COL5A2: variants seen among roughly 807,000 people sequenced by gnomAD.
COL5A2 encodes collagen alpha-2(V) chain.
COL5A2 carries 23 observed loss-of-function variants against 208.2 expected under a neutral mutation model. The ratio of observed to expected loss-of-function variants is 0.11; its 90% confidence interval spans 0.08 to 0.16. The LOEUF is 0.16. Among genes scored for constraint, COL5A2 ranks in the 10% least tolerant of loss-of-function variants. The probability of loss-of-function intolerance (pLI) is 1.00; values close to 1 mark genes in which losing one functional copy is unlikely to be tolerated. For synonymous variants in COL5A2, 625 were observed against 628.5 expected (o/e 0.99, Z 0.08); for missense variants, 1,590 against 1,956.4 (o/e 0.81, Z 3.53).
At chr2:189,255,670 A>G in the COL5A2 span, among the ~76,000 whole-genome samples, 1 of 152,210 alleles carries the variant, frequency 6.6e-6, no homozygotes, top group Non-Finnish European at 1.5e-5. Context: ...AATGCTAGAC[A>G]TTATATATAA....
the COL5A2 span, among the ~76,000 whole-genome samples, chr2:189,401,636 T>A: frequency 6.6e-6 from 1 of 152,156 alleles, no homozygotes; most frequent in Non-Finnish European, 1.5e-5. Context: ...TGAGGAATCA[T>A]GACACTGTCT....
chr2:189,187,408 G>C (rs959169247), intron 1 of COL5A2, among the ~76,000 whole-genome samples: 1 of 152,182 alleles, frequency 6.6e-6, no homozygotes, highest in African/African-American at 2.4e-5. Context: ...GAGCCAGACA[G>C]AGTTTAAATG....
chr2:189,065,019 AC>A lies in COL5A2; in HGVS notation c.1601del (p.Gly534ValfsTer15). ...PGNRGFPGSD[G>X]LPGPKGAQGE... ...GCAACCTCACCTTTGGCCCAGGTAA[AC>A]CATCAGAGCCTGGAAAACCACGATT... On this transcript the variant is annotated frameshift_variant, in exon 24 of 54. Coordinates refer to ENST00000374866, the MANE Select transcript of COL5A2 (RefSeq NM_000393.5). LOFTEE classifies it high-confidence loss of function. 1 of 1,613,850 alleles carries A rather than the reference AC, an allele frequency of 6.2e-7. No homozygotes were observed. Among genetic ancestry groups the A allele is most frequent in the Non-Finnish European group, 8.5e-7 (1 of 1,179,924 alleles).
chr2:189,121,724 G>C (rs1019520862), intron 1 of COL5A2, among the ~76,000 whole-genome samples: 1 of 100,132 alleles, frequency 1.0e-5, no homozygotes, highest in Non-Finnish European at 1.8e-5. Context: ...GTGACAGAGT[G>C]AGACTCCGTC....
chr2:189,322,991 T>C, the COL5A2 span, among the ~76,000 whole-genome samples: 1 of 51,988 alleles, frequency 1.9e-5, no homozygotes, highest in Non-Finnish European at 6.4e-5. Flanking sequence ...GTGGGCTTCA[T>C]CCCTGGGATG....
intron 1 of COL5A2, among the ~76,000 whole-genome samples, chr2:189,147,403 G>A (rs891894010): frequency 6.6e-6 from 1 of 152,132 alleles, no homozygotes; most frequent in Non-Finnish European, 1.5e-5. Context: ...GAAGACCCTG[G>A]AAATCTAAGG....
intron 1 of COL5A2, among the ~76,000 whole-genome samples, chr2:189,168,560 C>T (rs966843177): frequency 6.6e-6 from 1 of 151,936 alleles, no homozygotes; most frequent in African/African-American, 2.4e-5. Flanking sequence ...AAAAAAAAAG[C>T]TTTAAAATAC....
chr2:189,223,965 T>C (rs531473996), intron 1 of COL5A2, among the ~76,000 whole-genome samples: 60 of 152,210 alleles, frequency 3.9e-4, no homozygotes, highest in African/African-American at 1.4e-3. Flanking sequence ...CAATAAAAAG[T>C]TCAGTTAAGA....
At chr2:189,305,258 C>T in the COL5A2 span, among the ~76,000 whole-genome samples, 1 of 152,176 alleles carries the variant, frequency 6.6e-6, no homozygotes, top group Non-Finnish European at 1.5e-5. Flanking sequence ...AGCAGAGCTT[C>T]GCATTTACGA....
chr2:189,293,857 G>A, the COL5A2 span, among the ~76,000 whole-genome samples: 8 of 152,104 alleles, frequency 5.3e-5, no homozygotes, highest in South Asian at 2.1e-4. Flanking sequence ...AGGCCAAGGC[G>A]GGCACATCAC....
chr2:189,320,816 C>T, the COL5A2 span, among the ~76,000 whole-genome samples: 32 of 152,090 alleles, frequency 2.1e-4, no homozygotes, highest in Non-Finnish European at 4.1e-4. Flanking sequence ...ATACAGAGAA[C>T]GCCACAAAGA....
rs1685392304 is a variant in COL5A2, at chr2:189,034,059, C to G, written c.*11G>C. ...ATGGTGGTGCTCATTGTCGATGTGT[C>G]TTGGCTTACTTTACACAAAACAAAC... On this transcript the variant is annotated 3_prime_UTR_variant, in exon 54 of 54. Coordinates refer to ENST00000374866, the MANE Select transcript of COL5A2 (RefSeq NM_000393.5). The G allele has an allele frequency of 6.2e-7, 1 of 1,613,870 alleles. No homozygotes were observed. The highest frequency in any genetic ancestry group is 1.3e-5 in the African/African-American group (1 of 75,012).
the COL5A2 span, among the ~76,000 whole-genome samples, chr2:189,337,595 C>G: frequency 1.1e-4 from 16 of 152,208 alleles, no homozygotes; most frequent in African/African-American, 2.9e-4. Context: ...ATTAAATATA[C>G]TCATGGAGGA....
At chr2:189,048,084 G>T (rs1007201380) in intron 45 of COL5A2, 125 bp downstream of exon 45, 6 of 824,228 alleles carry the variant, frequency 7.3e-6, no homozygotes, top group Non-Finnish European at 1.0e-5. Flanking sequence ...TACAGAAACA[G>T]TTGTTATTCA....
At chr2:189,044,291 A>C (rs1025462693) in intron 47 of COL5A2, among the ~76,000 whole-genome samples, 3 of 152,210 alleles carry the variant, frequency 2.0e-5, no homozygotes, top group Admixed American at 2.0e-4. Context: ...TATAATAAAA[A>C]GAAGATGATT....
intron 1 of COL5A2, among the ~76,000 whole-genome samples, chr2:189,142,179 G>T (rs534399409): frequency 6.6e-6 from 1 of 152,004 alleles, no homozygotes; most frequent in East Asian, 1.9e-4. Flanking sequence ...TAAACAAAAT[G>T]TTTTTAATAA....
At chr2:189,331,917 T>C in the COL5A2 span, among the ~76,000 whole-genome samples, 1 of 143,338 alleles carries the variant, frequency 7.0e-6, no homozygotes, top group Non-Finnish European at 1.5e-5. Context: ...GCCACTGCAC[T>C]CCAGCCTGGG....
At chr2:189,334,176 G>C in the COL5A2 span, among the ~76,000 whole-genome samples, 1 of 151,824 alleles carries the variant, frequency 6.6e-6, no homozygotes, top group Non-Finnish European at 1.5e-5. Flanking sequence ...ATAGTAAAAC[G>C]CTGAAGGCTG....
At chr2:189,254,941 A>G in the COL5A2 span, among the ~76,000 whole-genome samples, 1 of 152,204 alleles carries the variant, frequency 6.6e-6, no homozygotes, top group Non-Finnish European at 1.5e-5. Context: ...CTATTCTGCT[A>G]CCCACAAGTG....
Sources: allele counts gnomAD v4.1 joint callset (sites outside exome capture counted in the v4.1 genomes callset), GRCh38; gene constraint gnomAD v4.1.1; transcripts MANE v1.5; gene names NCBI Gene and HGNC (gene_info 2026-07-23, HGNC 2026-07-21).